PRKN: variants seen among roughly 807,000 people sequenced by gnomAD.
PRKN encodes the protein E3 ubiquitin-protein ligase parkin.
PRKN carries 56 observed loss-of-function variants against 59.5 expected under a neutral mutation model. That is an observed-to-expected ratio of 0.94 (90% CI 0.76 to 1.18). The LOEUF is 1.18. Among genes scored for constraint, PRKN ranks in the 50% most tolerant of loss-of-function variants. The pLI is 0.00. For missense variants in PRKN, 657 were observed against 596.4 expected (o/e 1.10, Z -1.06); for synonymous variants, 250 against 222.1 (o/e 1.13, Z -1.12).
intron 3 of PRKN, among the ~76,000 whole-genome samples, chr6:162,202,783 T>C (rs1422987710): frequency 6.6e-6 from 1 of 152,222 alleles, no homozygotes; most frequent in African/African-American, 2.4e-5. Flanking sequence ...GAAATATTTG[T>C]AACATAAATA....
At chr6:161,908,515 A>T (rs1778234520) in intron 6 of PRKN, among the ~76,000 whole-genome samples, 2 of 152,194 alleles carry the variant, frequency 1.3e-5, no homozygotes, top group Non-Finnish European at 2.9e-5. Context: ...AATGGTCTTA[A>T]ATCATTTTGA....
At chr6:162,214,097 G>A (rs1328903402) in intron 3 of PRKN, among the ~76,000 whole-genome samples, 1 of 151,904 alleles carries the variant, frequency 6.6e-6, no homozygotes, top group Admixed American at 6.6e-5. Flanking sequence ...GGTCTCAGAC[G>A]TACAGCATAC....
chr6:162,708,967 G>C (rs570719335), intron 1 of PRKN, among the ~76,000 whole-genome samples: 1 of 152,136 alleles, frequency 6.6e-6, no homozygotes, highest in Non-Finnish European at 1.5e-5. Flanking sequence ...TCCACCTCCT[G>C]TCTGATCAGC....
intron 1 of PRKN, among the ~76,000 whole-genome samples, chr6:162,719,194 T>C (rs1778840906): frequency 6.6e-6 from 1 of 152,212 alleles, no homozygotes; most frequent in African/African-American, 2.4e-5. Flanking sequence ...TTCAGACATA[T>C]TCATGTAAAA....
intron 6 of PRKN, among the ~76,000 whole-genome samples, chr6:161,798,820 C>A (rs2128210026): frequency 6.6e-6 from 1 of 152,304 alleles, no homozygotes; most frequent in Non-Finnish European, 1.5e-5. Context: ...CAGGGCCAGG[C>A]ACGCTTACAT....
chr6:162,332,564 T>C (rs1562677603), intron 2 of PRKN, among the ~76,000 whole-genome samples: 1 of 152,088 alleles, frequency 6.6e-6, no homozygotes, highest in Non-Finnish European at 1.5e-5. Context: ...TCATGAAAAA[T>C]TGGAAAAAGG....
rs757021585 is a variant in PRKN, at chr6:162,507,433, T to TTA, written c.8-63962_8-63961dup. ...TCTCAAAAAAAGAAAAGAAAAAAAA[T>TTA]TATATATATATACGCATATTCCTTA... On this transcript the variant is annotated intron_variant, in intron 1 of 11. Transcript: ENST00000366898. Among the ~76,000 whole-genome samples, 601 of 151,732 alleles carry TTA rather than the reference T, an allele frequency of 4.0e-3. 2 individuals are homozygous for TTA. Among genetic ancestry groups the TTA allele is most frequent in the African/African-American group, 5.8e-3 (238 of 41,350 alleles).
chr6:162,256,491 C>A (rs1779643534), intron 3 of PRKN, among the ~76,000 whole-genome samples: 1 of 152,116 alleles, frequency 6.6e-6, no homozygotes, highest in African/African-American at 2.4e-5. Flanking sequence ...AAAGTGGAAT[C>A]CAGCAGCCTG....
rs1421760179 is a variant in PRKN at position 161,733,958 on chromosome 6, TTACACACACACACACACACACACACA to T, written c.871+51788_871+51813del. On this transcript the variant is annotated intron_variant, in intron 7 of 11. Coordinates refer to ENST00000366898, the MANE Select transcript of PRKN (RefSeq NM_004562.3). ...GACCTCTCTTTTATTGAAAATTCAT[TTACACACACACACACACACACACACA>T]CACACACACACACACACACACATAT... 6.6e-3 allele frequency among the ~76,000 whole-genome samples: 521 copies of T among 79,518 alleles called. 5 individuals carry two copies. Among genetic ancestry groups the T allele is most frequent in the African/African-American group, 0.024 (499 of 20,856 alleles). The allele number at this position is 79,518 out of a possible 152,430, so 52.2% of individuals were successfully genotyped here.
At chr6:162,244,869 T>C (rs1032083779) in intron 3 of PRKN, among the ~76,000 whole-genome samples, 1 of 152,038 alleles carries the variant, frequency 6.6e-6, no homozygotes, top group African/African-American at 2.4e-5. Context: ...CTATGACAGT[T>C]TGGCCAACAA....
intron 3 of PRKN, among the ~76,000 whole-genome samples, chr6:162,242,827 A>G (rs1232335524): frequency 1.3e-5 from 2 of 152,102 alleles, no homozygotes; most frequent in Non-Finnish European, 2.9e-5. Context: ...ATGGCAATCA[A>G]CCTTATTACC....
chr6:162,042,617 CA>C (rs1221373729), intron 5 of PRKN, among the ~76,000 whole-genome samples: 2 of 152,204 alleles, frequency 1.3e-5, no homozygotes, highest in East Asian at 3.9e-4. Flanking sequence ...GCATTGAATG[CA>C]TTTAAAATAT....
At chr6:162,340,778 T>C (rs955854543) in intron 2 of PRKN, among the ~76,000 whole-genome samples, 1 of 152,002 alleles carries the variant, frequency 6.6e-6, no homozygotes, top group African/African-American at 2.4e-5. Flanking sequence ...AAAAATTAAC[T>C]CAAGACCTAA....
chr6:162,100,481 G>A (rs554935765), intron 4 of PRKN, among the ~76,000 whole-genome samples: 12 of 145,748 alleles, frequency 8.2e-5, no homozygotes, highest in Non-Finnish European at 1.3e-4. Context: ...GATAGATGTC[G>A]CTTTGTCACC....
chr6:162,620,046 C>T, intron 1 of PRKN, among the ~76,000 whole-genome samples: 1 of 60,198 alleles, frequency 1.7e-5, no homozygotes, highest in African/African-American at 8.3e-5. Flanking sequence ...ATATCAAATA[C>T]ATATTATTTC....
chr6:162,339,449 C>T (rs1784052626), intron 2 of PRKN, among the ~76,000 whole-genome samples: 4 of 147,342 alleles, frequency 2.7e-5, no homozygotes, highest in East Asian at 2.1e-4. Flanking sequence ...CGCCTCTGCC[C>T]GGCGGCCCCT....
chr6:161,588,101 G>C lies in PRKN; in HGVS notation c.872-18685C>G, dbSNP rs1047534681. ...ATTAGGATTAAAAATTTACTCTATG[G>C]GGGGCTGGGCGCGGTGGCTCATGCC... On this transcript the variant is annotated intron_variant, in intron 7 of 11. Transcript: ENST00000366898. This position sits in a 1 kb window ranked among gnomAD's most constrained non-coding sequence, Gnocchi z 5.0. 6.6e-6 allele frequency among the ~76,000 whole-genome samples: 1 copy of C among 152,128 alleles called. No individual in the cohort carries two copies. Among genetic ancestry groups the C allele is most frequent in the Non-Finnish European group, 1.5e-5 (1 of 68,008 alleles).
At chr6:162,511,537 G>A (rs1399627613) in intron 1 of PRKN, among the ~76,000 whole-genome samples, 1 of 152,132 alleles carries the variant, frequency 6.6e-6, no homozygotes, top group Non-Finnish European at 1.5e-5. Flanking sequence ...TGTAGAAAAT[G>A]TAGATAATTA....
chr6:162,400,950 C>A (rs929984681), intron 2 of PRKN, among the ~76,000 whole-genome samples: 3 of 151,922 alleles, frequency 2.0e-5, no homozygotes, highest in African/African-American at 7.3e-5. Flanking sequence ...TTATTTTAAG[C>A]AATTCTTGAA....
Sources: gnomAD v4.1 joint callset for allele counts (sites outside exome capture counted in the v4.1 genomes callset) on GRCh38, gnomAD v4.1.1 for gene constraint, Gnocchi (gnomAD v3.1) non-coding constraint, MANE v1.5 for transcripts, NCBI Gene and HGNC (gene_info 2026-07-23, HGNC 2026-07-21) for gene names.